DGKI: variants seen among roughly 807,000 people sequenced by gnomAD.
The protein encoded by DGKI is diacylglycerol kinase iota, also known as DAG kinase iota.
DGKI carries 55 observed loss-of-function variants against 147.5 expected under a neutral mutation model. That is an observed-to-expected ratio of 0.37 (90% CI 0.30 to 0.47). The LOEUF (loss-of-function observed/expected upper bound fraction) is 0.47, where lower values mean the gene tolerates loss of function less well. Ranked by LOEUF, DGKI falls within the 20% of genes least tolerant of loss-of-function variation. DGKI has a pLI of 1.00. For synonymous variants in DGKI, 469 were observed against 477.1 expected, an observed-to-expected ratio of 0.98 and a Z score of 0.22; for missense variants, 1,007 against 1,323.8, an observed-to-expected ratio of 0.76 and a Z score of 3.71.
intron 21 of DGKI, among the ~76,000 whole-genome samples, chr7:137,516,384 G>C (rs1162117526): frequency 2.6e-5 from 4 of 152,174 alleles, no homozygotes; most frequent in Non-Finnish European, 5.9e-5. Context: ...ACAGAAGCCT[G>C]AAGAAGACAA....
chr7:137,783,147 A>G (rs1244830792), intron 1 of DGKI, among the ~76,000 whole-genome samples: 1 of 152,248 alleles, frequency 6.6e-6, no homozygotes, highest in East Asian at 1.9e-4. Context: ...AATTGACAAA[A>G]AAAGAATTCA....
In DGKI at chr7:137,463,485, T is replaced by C; in HGVS notation, c.2735+4A>G. On this transcript the variant is annotated splice_donor_region_variant and intron_variant, in intron 27 of 32. Transcript: ENST00000614521. ...GAGGAAAAGAACAGCAAGAGAACTCTTACTGTAGCACGCGGGAGTGGCTGA... is the reference window on the plus strand; with the variant it reads ...GAGGAAAAGAACAGCAAGAGAACTCCTACTGTAGCACGCGGGAGTGGCTGA... 1 of 1,613,742 alleles carries C rather than the reference T, an allele frequency of 6.2e-7. No homozygotes were observed. The highest frequency in any genetic ancestry group is 1.1e-5 in the South Asian group (1 of 91,058).
At chr7:137,503,555 T>C (rs1257875576) in intron 21 of DGKI, among the ~76,000 whole-genome samples, 3 of 152,226 alleles carry the variant, frequency 2.0e-5, no homozygotes, top group African/African-American at 7.2e-5. Context: ...GTTTTCAGTC[T>C]GGCTAGCCTG....
At chr7:137,815,245 G>A (rs1187100767) in intron 1 of DGKI, among the ~76,000 whole-genome samples, 2 of 152,114 alleles carry the variant, frequency 1.3e-5, no homozygotes, top group African/African-American at 4.8e-5. Flanking sequence ...CCACCCGAGA[G>A]GAGGGAGAAT....
At chr7:137,568,075 T>C (rs550991504) in intron 19 of DGKI, among the ~76,000 whole-genome samples, 6 of 152,276 alleles carry the variant, frequency 3.9e-5, no homozygotes, top group African/African-American at 1.4e-4. Flanking sequence ...TATTTATCTT[T>C]AAAAAAATTT....
intron 1 of DGKI, among the ~76,000 whole-genome samples, chr7:137,806,141 C>A (rs1797357557): frequency 6.6e-6 from 1 of 152,330 alleles, no homozygotes. Context: ...TGAAGGTCCC[C>A]ACCTGATGGC....
chr7:137,560,154 T>C (rs1723103), intron 19 of DGKI, among the ~76,000 whole-genome samples: 16,623 of 151,608 alleles, frequency 0.11, 2,052 homozygotes, highest in African/African-American at 0.3. Flanking sequence ...GAAAACATCA[T>C]CCATAATAAA....
At position 137,658,672 on chromosome 7, in the gene DGKI, GA is replaced by G. The variant is rs113400058; in HGVS notation, c.607-2133del. Among the ~76,000 whole-genome samples, 1,247 of 152,268 alleles carry G rather than the reference GA, an allele frequency of 8.2e-3. 20 individuals are homozygous for G. The highest frequency in any genetic ancestry group is 0.029 in the African/African-American group (1,208 of 41,538). On this transcript the variant is annotated intron_variant, in intron 3 of 32. Transcript: ENST00000614521. ...TCTGTTACGAAAGTCACTGAAGATGGAAGGAAGATGCGGAGAAAACTCAGGA... is the reference window on the plus strand; with the variant it reads ...TCTGTTACGAAAGTCACTGAAGATGGAGGAAGATGCGGAGAAAACTCAGGA...
chr7:137,613,552 C>T (rs376416818), intron 8 of DGKI, among the ~76,000 whole-genome samples: 8 of 152,058 alleles, frequency 5.3e-5, no homozygotes, highest in African/African-American at 1.4e-4. Flanking sequence ...TATTACATTT[C>T]ATGGGTTCCC....
chr7:137,774,023 G>C (rs1796288482), intron 1 of DGKI, among the ~76,000 whole-genome samples: 1 of 152,286 alleles, frequency 6.6e-6, no homozygotes, highest in South Asian at 2.1e-4. Flanking sequence ...TACTTCTGAG[G>C]TTAACAAACA....
At chr7:137,827,013 G>A (rs1585540646) in intron 1 of DGKI, among the ~76,000 whole-genome samples, 2 of 152,256 alleles carry the variant, frequency 1.3e-5, no homozygotes, top group East Asian at 3.9e-4. Context: ...CCTAAGGCAT[G>A]AGAAAAGCCT....
chr7:137,463,428 G>T, intron 27 of DGKI, 61 bp downstream of exon 27: 8 of 1,599,076 alleles, frequency 5.0e-6, no homozygotes, highest in Non-Finnish European at 6.8e-6. Flanking sequence ...ACAGCCCACA[G>T]TACATCCTCT....
chr7:137,828,092 G>C (rs560487043), intron 1 of DGKI, among the ~76,000 whole-genome samples: 20 of 152,266 alleles, frequency 1.3e-4, no homozygotes, highest in African/African-American at 4.3e-4. Flanking sequence ...CTGTAGACAG[G>C]TCAATGTCTT....
At chr7:137,604,337 T>G (rs1179103076) in intron 10 of DGKI, among the ~76,000 whole-genome samples, 1 of 152,214 alleles carries the variant, frequency 6.6e-6, no homozygotes, top group Non-Finnish European at 1.5e-5. Context: ...AAAAAGTAAC[T>G]ACTTCATTAA....
chr7:137,813,456 T>C (rs1447009188), intron 1 of DGKI, among the ~76,000 whole-genome samples: 1 of 152,180 alleles, frequency 6.6e-6, no homozygotes, highest in African/African-American at 2.4e-5. Context: ...CATGTCACAC[T>C]GGGCGTGGCA....
At chr7:137,638,271 C>T (rs938274587) in intron 6 of DGKI, among the ~76,000 whole-genome samples, 1 of 151,664 alleles carries the variant, frequency 6.6e-6, no homozygotes, top group African/African-American at 2.4e-5. Context: ...CACCTTTCAC[C>T]TCTTCGTCTC....
intron 10 of DGKI, among the ~76,000 whole-genome samples, chr7:137,606,751 G>A (rs187603411): frequency 3.3e-5 from 5 of 152,256 alleles, no homozygotes; most frequent in East Asian, 1.9e-4. Context: ...TCTTGAAGAC[G>A]TGATTCCATA....
chr7:137,691,797 G>GATTTTTTTTTTT (rs1823612158), intron 1 of DGKI, among the ~76,000 whole-genome samples: 1 of 74,660 alleles, frequency 1.3e-5, no homozygotes, highest in East Asian at 4.1e-4. Context: ...TAGACCTTTG[G>GATTTTTTTTTTT]GTTTTTTTTT....
At chr7:137,785,723 C>T (rs1287604605) in intron 1 of DGKI, among the ~76,000 whole-genome samples, 1 of 151,606 alleles carries the variant, frequency 6.6e-6, no homozygotes, top group Non-Finnish European at 1.5e-5. Flanking sequence ...CAAAAATCCC[C>T]AACAAAATAC....
Sources: gnomAD v4.1 joint callset for allele counts (sites outside exome capture counted in the v4.1 genomes callset) on GRCh38, gnomAD v4.1.1 for gene constraint, MANE v1.5 for transcripts, NCBI Gene and HGNC (gene_info 2026-07-23, HGNC 2026-07-21) for gene names.